Variants in XPR1 observed in about 807,000 individuals in gnomAD.
The protein encoded by XPR1 is xenotropic and polytropic retrovirus receptor 1.
A neutral mutation model predicts 87.5 loss-of-function variants in XPR1; 28 were observed. The observed-to-expected ratio is 0.32, with a 90% CI of 0.24 to 0.44. XPR1 has a LOEUF of 0.44. XPR1 is among the 20% of genes least tolerant of loss of function. XPR1 has a pLI of 1.00. For synonymous variants in XPR1, 300 were observed against 306.1 expected (o/e 0.98, Z 0.21); for missense variants, 559 against 862.3 (o/e 0.65, Z 4.41).
At chr1:180,803,983 TC>T (rs1278492315) in intron 4 of XPR1, among the ~76,000 whole-genome samples, 2 of 151,686 alleles carry the variant, frequency 1.3e-5, no homozygotes, top group African/African-American at 4.8e-5. Context: ...TTTTTTCCTT[TC>T]TTTTTTTTTT....
chr1:180,863,282 G>C (rs1652277831), intron 11 of XPR1, among the ~76,000 whole-genome samples: 1 of 152,068 alleles, frequency 6.6e-6, no homozygotes, highest in Non-Finnish European at 1.5e-5. Flanking sequence ...ATGTTCTAAA[G>C]TAAAAACAAT....
chr1:180,698,204 T>G (rs987103888), intron 2 of XPR1, among the ~76,000 whole-genome samples: 2 of 152,196 alleles, frequency 1.3e-5, no homozygotes, highest in Non-Finnish European at 2.9e-5. Context: ...TTTGTCTCAT[T>G]TTACAGTTTT....
At chr1:180,820,132 A>G (rs1408288658) in intron 7 of XPR1, among the ~76,000 whole-genome samples, 2 of 152,020 alleles carry the variant, frequency 1.3e-5, no homozygotes. Flanking sequence ...TGTTTTTTTT[A>G]ATTGAGGTGA....
intron 1 of XPR1, among the ~76,000 whole-genome samples, chr1:180,649,665 A>G (rs142052723): frequency 1.3e-5 from 2 of 152,310 alleles, no homozygotes; most frequent in Non-Finnish European, 2.9e-5. Flanking sequence ...TTATGGAGTT[A>G]GATGGAGGAA....
At chr1:180,753,719 A>G (rs1487611521) in intron 2 of XPR1, among the ~76,000 whole-genome samples, 2 of 152,170 alleles carry the variant, frequency 1.3e-5, no homozygotes, top group Non-Finnish European at 2.9e-5. Context: ...TTTGATATAT[A>G]TCTATATAGT....
At chr1:180,638,216 CAT>C (rs1654850680) in intron 1 of XPR1, among the ~76,000 whole-genome samples, 1 of 152,010 alleles carries the variant, frequency 6.6e-6, no homozygotes, top group Non-Finnish European at 1.5e-5. Context: ...ATCCTTGTGT[CAT>C]CTTTTTAAAA....
At chr1:180,746,835 C>T (rs1286485010) in intron 2 of XPR1, among the ~76,000 whole-genome samples, 1 of 152,088 alleles carries the variant, frequency 6.6e-6, no homozygotes, top group Non-Finnish European at 1.5e-5. Flanking sequence ...TCTTCATAAA[C>T]CTTTGAAAGA....
intron 6 of XPR1, among the ~76,000 whole-genome samples, chr1:180,809,045 G>T (rs1650107791): frequency 6.6e-6 from 1 of 151,748 alleles, no homozygotes; most frequent in Admixed American, 6.6e-5. Context: ...AACAATTTGT[G>T]GTATATCCAT....
At chr1:180,637,126 A>G (rs1187888608) in intron 1 of XPR1, among the ~76,000 whole-genome samples, 2 of 152,088 alleles carry the variant, frequency 1.3e-5, no homozygotes, top group African/African-American at 4.8e-5. Flanking sequence ...TGCATAAGAA[A>G]AGGAAGAAAT....
intron 1 of XPR1, among the ~76,000 whole-genome samples, chr1:180,675,756 G>A (rs6693245): frequency 6.6e-6 from 1 of 152,078 alleles, no homozygotes; most frequent in African/African-American, 2.4e-5. Context: ...TTGGATGTAT[G>A]GCTCCCAACC....
intron 1 of XPR1, among the ~76,000 whole-genome samples, chr1:180,669,275 CTAT>C (rs1315590858): frequency 6.6e-6 from 1 of 152,030 alleles, no homozygotes; most frequent in African/African-American, 2.4e-5. Context: ...AAGTCTCCAG[CTAT>C]TATTGTATAA....
intron 7 of XPR1, among the ~76,000 whole-genome samples, chr1:180,824,225 ACATTCTG>A (rs1650741768): frequency 1.3e-5 from 2 of 152,336 alleles, no homozygotes; most frequent in East Asian, 1.9e-4. Context: ...TATTCTAGTG[ACATTCTG>A]CAGAGTAAAA....
At chr1:180,733,398 A>C (rs1658622609) in intron 2 of XPR1, among the ~76,000 whole-genome samples, 1 of 152,182 alleles carries the variant, frequency 6.6e-6, no homozygotes, top group South Asian at 2.1e-4. Flanking sequence ...CCAAATTACA[A>C]GTTGACTATA....
At chr1:180,722,685 A>C (rs1658215150) in intron 2 of XPR1, among the ~76,000 whole-genome samples, 3 of 152,216 alleles carry the variant, frequency 2.0e-5, no homozygotes, top group Non-Finnish European at 1.5e-5. Flanking sequence ...AATGATCATC[A>C]AAACACTGGT....
intron 2 of XPR1, among the ~76,000 whole-genome samples, chr1:180,694,314 A>T (rs1474463111): frequency 6.6e-6 from 1 of 152,162 alleles, no homozygotes; most frequent in Admixed American, 6.6e-5. Flanking sequence ...TCAAATTGTG[A>T]ACTAGAGCTT....
chr1:180,882,428 C>T (rs1312539378), intron 14 of XPR1, among the ~76,000 whole-genome samples: 2 of 152,150 alleles, frequency 1.3e-5, no homozygotes, highest in Non-Finnish European at 2.9e-5. Flanking sequence ...ACGATCATGA[C>T]TCACTGCAGC....
At position 180,786,722 on chromosome 1, in the gene XPR1, A is replaced by T. The variant is rs571729581; in HGVS notation, c.122-1031A>T. ...TTATAGCTTCTCCTGAAAAATGGAAAGATTTGACAAACTGGGCCCACATCA... is the reference window on the plus strand; with the variant it reads ...TTATAGCTTCTCCTGAAAAATGGAATGATTTGACAAACTGGGCCCACATCA... On this transcript the variant is annotated intron_variant, in intron 2 of 14. Coordinates refer to ENST00000367590, the MANE Select transcript of XPR1 (RefSeq NM_004736.4). Among the ~76,000 whole-genome samples, 4 of 152,318 alleles carry T rather than the reference A, an allele frequency of 2.6e-5. No homozygotes were observed. The South Asian group carries it at 8.3e-4, about 32-fold the overall frequency.
intron 2 of XPR1, among the ~76,000 whole-genome samples, chr1:180,718,925 C>T (rs1658088450): frequency 6.6e-6 from 1 of 152,132 alleles, no homozygotes; most frequent in Non-Finnish European, 1.5e-5. Flanking sequence ...CCTTGGCCTC[C>T]CAAAGTGCTG....
intron 1 of XPR1, among the ~76,000 whole-genome samples, chr1:180,666,918 CT>C (rs779609945): frequency 2.2e-3 from 322 of 143,792 alleles, no homozygotes; most frequent in Middle Eastern, 0.019. Context: ...CATTTTCAGT[CT>C]TTTTTTTTTT....
Sources: allele counts gnomAD v4.1 joint callset (sites outside exome capture counted in the v4.1 genomes callset), GRCh38; gene constraint gnomAD v4.1.1; transcripts MANE v1.5; gene names NCBI Gene and HGNC (gene_info 2026-07-23, HGNC 2026-07-21).